The following SKAP1 variants were observed in gnomAD, a reference collection of about 807,000 sequenced individuals.
The protein encoded by SKAP1 is src kinase associated phosphoprotein 1, also known as src kinase-associated phosphoprotein 1.
SKAP1 carries 44 observed loss-of-function variants against 58.5 expected under a neutral mutation model. The observed-to-expected ratio is 0.75, with a 90% CI of 0.59 to 0.97. The LOEUF is 0.97. SKAP1 is among the 50% of genes least tolerant of loss of function. SKAP1 has a pLI of 0.00. For missense variants in SKAP1, 390 were observed against 435.2 expected, an observed-to-expected ratio of 0.90 and a Z score of 0.92; for synonymous variants, 127 against 149.7, an observed-to-expected ratio of 0.85 and a Z score of 1.11.
chr17:48,326,202 A>G (rs779219788), intron 4 of SKAP1, among the ~76,000 whole-genome samples: 2 of 152,234 alleles, frequency 1.3e-5, no homozygotes, highest in Non-Finnish European at 2.9e-5. Context: ...ATCCTTGTAC[A>G]TACATCCTGC....
chr17:48,184,164 T>A (rs2064411415), intron 7 of SKAP1, among the ~76,000 whole-genome samples: 1 of 152,190 alleles, frequency 6.6e-6, no homozygotes, highest in African/African-American at 2.4e-5. Context: ...ACGGAATAAG[T>A]CTTTCTTGCC....
chr17:48,430,229 C>A, upstream of SKAP1: 2 of 864,212 alleles, frequency 2.3e-6, no homozygotes, highest in South Asian at 1.2e-4. Context: ...CAGCCGCGGT[C>A]GCCGCCCGCC....
chr17:48,186,588 C>T (rs759861407), intron 6 of SKAP1, among the ~76,000 whole-genome samples: 87 of 152,146 alleles, frequency 5.7e-4, no homozygotes, highest in Admixed American at 7.2e-4. Flanking sequence ...TGGGTTCAAG[C>T]AATTCTCCTG....
At chr17:48,378,178 G>A (rs1048601831) in intron 2 of SKAP1, among the ~76,000 whole-genome samples, 6 of 152,132 alleles carry the variant, frequency 3.9e-5, no homozygotes, top group East Asian at 1.9e-4. Flanking sequence ...TAACCACATC[G>A]CAAACGGTCC....
At chr17:48,361,274 C>T (rs2066934863) in intron 3 of SKAP1, among the ~76,000 whole-genome samples, 1 of 150,318 alleles carries the variant, frequency 6.7e-6, no homozygotes, top group African/African-American at 2.4e-5. Context: ...GACACAATCT[C>T]GGCTCACTGC....
chr17:48,233,839 G>C (rs1244149549), intron 4 of SKAP1, among the ~76,000 whole-genome samples: 1 of 152,148 alleles, frequency 6.6e-6, no homozygotes, highest in African/African-American at 2.4e-5. Flanking sequence ...CTGGGTGACA[G>C]AGCAAGACTG....
At chr17:48,333,732 AG>A (rs1452941837) in intron 4 of SKAP1, among the ~76,000 whole-genome samples, 1 of 152,094 alleles carries the variant, frequency 6.6e-6, no homozygotes, top group East Asian at 1.9e-4. Flanking sequence ...AGCAGTAAAA[AG>A]TTTTCCCTGT....
At chr17:48,229,958 G>A (rs1259203381) in intron 4 of SKAP1, among the ~76,000 whole-genome samples, 1 of 152,196 alleles carries the variant, frequency 6.6e-6, no homozygotes, top group Non-Finnish European at 1.5e-5. Flanking sequence ...TTAGTGGAAA[G>A]TGCACACATC....
chr17:48,355,382 A>T (rs990312711), intron 3 of SKAP1, among the ~76,000 whole-genome samples: 5 of 152,210 alleles, frequency 3.3e-5, no homozygotes, highest in African/African-American at 1.2e-4. Context: ...GGCTCAAGTG[A>T]TCCTCCCACC....
chr17:48,303,243 G>C (rs185988106), intron 4 of SKAP1, among the ~76,000 whole-genome samples: 2 of 152,302 alleles, frequency 1.3e-5, no homozygotes, highest in African/African-American at 4.8e-5. Flanking sequence ...ATTACCAGGT[G>C]ATGAGCATTC....
intron 2 of SKAP1, among the ~76,000 whole-genome samples, chr17:48,364,612 T>C (rs1165424970): frequency 4.0e-5 from 6 of 151,416 alleles, no homozygotes; most frequent in Admixed American, 3.9e-4. Flanking sequence ...GAGGCGGAGG[T>C]TGCAGTGAGC....
chr17:48,285,226 G>A (rs569904529), intron 4 of SKAP1, among the ~76,000 whole-genome samples: 24 of 152,318 alleles, frequency 1.6e-4, no homozygotes, highest in African/African-American at 4.1e-4. Flanking sequence ...TAAGATGGGA[G>A]TGGTGATTCT....
At position 48,214,719 on chromosome 17, in the gene SKAP1, C is replaced by T. The variant is rs934200959; in HGVS notation, c.281-25219G>A. On this transcript the variant is annotated intron_variant, in intron 4 of 12. Transcript: ENST00000336915. The stretch of plus-strand genomic sequence containing the variant: ...GGCAGATCACTGGAGGTCAGGAGTT[C>T]GAGACCAGCCTGGCCAACATGGTGA... Among the ~76,000 whole-genome samples, 41 of 147,928 alleles carry T rather than the reference C, an allele frequency of 2.8e-4. 1 individual carries two copies. Among genetic ancestry groups the T allele is most frequent in the African/African-American group, 7.9e-4 (32 of 40,422 alleles).
chr17:48,318,591 C>T (rs1273991264), intron 4 of SKAP1, among the ~76,000 whole-genome samples: 1 of 152,188 alleles, frequency 6.6e-6, no homozygotes, highest in Non-Finnish European at 1.5e-5. Context: ...TGTGACTGGG[C>T]ATGGTGGCTC....
At chr17:48,383,711 GC>G (rs2144490051) in intron 2 of SKAP1, among the ~76,000 whole-genome samples, 1 of 121,134 alleles carries the variant, frequency 8.3e-6, no homozygotes, top group Admixed American at 1.0e-4. Context: ...TTAAATCTCT[GC>G]CCTTTTTTTT....
chr17:48,299,818 A>T (rs2066034359), intron 4 of SKAP1, among the ~76,000 whole-genome samples: 3 of 152,016 alleles, frequency 2.0e-5, no homozygotes, highest in Admixed American at 6.6e-5. Flanking sequence ...GAGAAGAGGG[A>T]GTTTGAGCAT....
the SKAP1 span, among the ~76,000 whole-genome samples, chr17:48,439,149 A>G: frequency 6.6e-6 from 1 of 152,230 alleles, no homozygotes; most frequent in Non-Finnish European, 1.5e-5. Context: ...CTTGTGGATC[A>G]AGCTGTTCCT....
chr17:48,413,700 A>G (rs1055748634), intron 1 of SKAP1, among the ~76,000 whole-genome samples: 1 of 151,632 alleles, frequency 6.6e-6, no homozygotes, highest in Non-Finnish European at 1.5e-5. Context: ...TCATTATTCT[A>G]TCTGGTGGGT....
At chr17:48,397,094 TC>T in intron 1 of SKAP1, 1 of 427,290 alleles carries the variant, frequency 2.3e-6, no homozygotes, top group Non-Finnish European at 3.1e-6. Context: ...GTTCTAATAA[TC>T]CAAGACCTTG....
Sources: allele counts gnomAD v4.1 joint callset (sites outside exome capture counted in the v4.1 genomes callset), GRCh38; gene constraint gnomAD v4.1.1; transcripts MANE v1.5; gene names NCBI Gene and HGNC (gene_info 2026-07-23, HGNC 2026-07-21).